Variants in TRIO observed in about 807,000 individuals in gnomAD.
TRIO encodes the protein triple functional domain protein.
In TRIO, 58 loss-of-function variants were observed where a neutral mutation model predicts 351.9. That is an observed-to-expected ratio of 0.16 (90% CI 0.13 to 0.21). The LOEUF is 0.21. Ranked by LOEUF, TRIO falls within the 10% of genes least tolerant of loss-of-function variation. The pLI, the probability that TRIO is intolerant of heterozygous loss-of-function variation, is 1.00. For synonymous variants in TRIO, 1,758 were observed against 1,595.7 expected (o/e 1.10, Z -2.42); for missense variants, 3,201 against 4,027.8 (o/e 0.79, Z 5.56).
chr5:14,453,067 CTTTT>C (rs777743822), intron 34 of TRIO, among the ~76,000 whole-genome samples: 3 of 151,702 alleles, frequency 2.0e-5, no homozygotes, highest in Non-Finnish European at 4.4e-5. Context: ...CTTTCTTTAC[CTTTT>C]TTTTCTTTTT....
At chr5:14,318,314 G>A (rs1227131793) in intron 9 of TRIO, among the ~76,000 whole-genome samples, 2 of 148,412 alleles carry the variant, frequency 1.3e-5, no homozygotes, top group Non-Finnish European at 3.0e-5. Flanking sequence ...AATTAGCCTG[G>A]CGTGCTGGCA....
intron 1 of TRIO, among the ~76,000 whole-genome samples, chr5:14,266,396 G>A (rs1388167260): frequency 6.6e-6 from 1 of 152,102 alleles, no homozygotes; most frequent in Non-Finnish European, 1.5e-5. Context: ...TAGGTATCTA[G>A]GATACAGCAG....
chr5:14,242,660 C>T (rs945607736), intron 1 of TRIO, among the ~76,000 whole-genome samples: 3 of 152,122 alleles, frequency 2.0e-5, no homozygotes, highest in African/African-American at 7.2e-5. Flanking sequence ...TCGTAGCCTC[C>T]GCCTGCTGTG....
At chr5:14,314,864 C>T (rs1286294386) in intron 8 of TRIO, among the ~76,000 whole-genome samples, 4 of 152,196 alleles carry the variant, frequency 2.6e-5, no homozygotes, top group Non-Finnish European at 4.4e-5. Context: ...TTTTAACTGA[C>T]ACTAATTCAG....
intron 35 of TRIO, 72 bp from the exon 36 acceptor site, chr5:14,462,683 C>G (rs893483676): frequency 6.3e-7 from 1 of 1,581,402 alleles, no homozygotes; most frequent in Middle Eastern, 1.7e-4. Flanking sequence ...CACCTTGCTT[C>G]TCCAAGTAAC....
rs1757955977 is a variant in TRIO, at chr5:14,509,570, T to G, written c.*1148T>G. On this transcript the variant is annotated 3_prime_UTR_variant, in exon 57 of 57. Transcript: ENST00000344204. The stretch of plus-strand genomic sequence containing the variant: ...ATTATTCAGAATGCCAAAGTATTAT[T>G]TTTTTTCCCAAAATCAGTCTGGACA... The G allele has an allele frequency of 3.3e-6, 1 of 306,130 alleles. No individual in the cohort carries two copies. The allele number at this position is 306,130 out of a possible 1,614,324, so 19.0% of individuals were successfully genotyped here.
At chr5:14,409,743 G>A (rs1414578722) in intron 33 of TRIO, among the ~76,000 whole-genome samples, 2 of 151,316 alleles carry the variant, frequency 1.3e-5, no homozygotes, top group East Asian at 3.9e-4. Flanking sequence ...GCTGAGGCAG[G>A]AGAATGGCAT....
chr5:14,470,502 A>G (rs1009831795), intron 37 of TRIO, among the ~76,000 whole-genome samples: 3 of 152,228 alleles, frequency 2.0e-5, no homozygotes, highest in Admixed American at 2.0e-4. Context: ...AAACAACGAG[A>G]TTAATATTTA....
chr5:14,439,435 T>C (rs1253012503), intron 34 of TRIO, among the ~76,000 whole-genome samples: 3 of 152,214 alleles, frequency 2.0e-5, no homozygotes, highest in African/African-American at 7.2e-5. Context: ...ATATTACACA[T>C]AAAGTAATTA....
intron 1 of TRIO, among the ~76,000 whole-genome samples, chr5:14,161,055 A>G (rs556970199): frequency 1.3e-5 from 2 of 152,194 alleles, no homozygotes; most frequent in East Asian, 3.9e-4. Context: ...GATTACAGGC[A>G]TGCGCCACCA....
chr5:14,478,885 C>T (rs249808), intron 41 of TRIO, among the ~76,000 whole-genome samples: 140,314 of 152,168 alleles, frequency 0.92, 64,883 homozygotes, highest in East Asian at 1. Flanking sequence ...CGCTTGAGCC[C>T]GGAAGTTTAA....
At chr5:14,159,637 C>T (rs905018855) in intron 1 of TRIO, among the ~76,000 whole-genome samples, 1 of 151,142 alleles carries the variant, frequency 6.6e-6, no homozygotes, top group Non-Finnish European at 1.5e-5. Flanking sequence ...GGCACGACCT[C>T]GGCTCACTGC....
intron 21 of TRIO, among the ~76,000 whole-genome samples, chr5:14,383,828 T>G (rs1054651168): frequency 1.3e-5 from 2 of 152,238 alleles, no homozygotes; most frequent in Admixed American, 6.5e-5. Flanking sequence ...CTCACTTGCC[T>G]TCTGTCACCC....
chr5:14,508,482 T>C lies in TRIO; in HGVS notation c.*60T>C, dbSNP rs544887672. The C allele has an allele frequency of 3.9e-6, 6 of 1,526,422 alleles. No individual in the cohort carries two copies. In the South Asian group the frequency reaches 6.6e-5, roughly 17 times the overall value. The allele number at this position is 1,526,422 out of a possible 1,614,324, so 94.6% of individuals were successfully genotyped here. A position where few individuals can be genotyped will look rare whatever the true frequency, so the allele number is the denominator to read the frequency against. On this transcript the variant is annotated 3_prime_UTR_variant, in exon 57 of 57. Transcript: ENST00000344204. The stretch of plus-strand genomic sequence containing the variant: ...TGCCAATCAGCTGTTAATCTGAATT[T>C]TCAAGAGAAAACAAGCAAACATAAC...
At chr5:14,457,169 A>C (rs1753375120) in intron 34 of TRIO, among the ~76,000 whole-genome samples, 1 of 152,212 alleles carries the variant, frequency 6.6e-6, no homozygotes, top group Non-Finnish European at 1.5e-5. Flanking sequence ...TAAATTCCAC[A>C]AAATTTTTCT....
At chr5:14,411,744 A>T (rs1203574164) in intron 33 of TRIO, among the ~76,000 whole-genome samples, 3 of 151,850 alleles carry the variant, frequency 2.0e-5, no homozygotes, top group Non-Finnish European at 4.4e-5. Context: ...AGCTAGGACC[A>T]TAAGTGTACA....
rs1427774239 is a variant in TRIO, at chr5:14,207,326, A to T, written c.157+63444A>T. On this transcript the variant is annotated intron_variant, in intron 1 of 56. Coordinates refer to ENST00000344204, the MANE Select transcript of TRIO (RefSeq NM_007118.4). ...CATAGCAAGACTGTCTCTCACACAC[A>T]CACACACACACACACACACACACAC... 9.7e-4 allele frequency among the ~76,000 whole-genome samples: 44 copies of T among 45,264 alleles called. 3 individuals carry two copies. Among genetic ancestry groups the T allele is most frequent in the African/African-American group, 3.6e-3 (43 of 12,104 alleles). The allele number at this position is 45,264 out of a possible 152,430, so 29.7% of individuals were successfully genotyped here. A position where few individuals can be genotyped will look rare whatever the true frequency, so the allele number is the denominator to read the frequency against.
In TRIO at chr5:14,502,913, G is replaced by C. The variant is rs539536650; in HGVS notation, c.8411+256G>C. Among the ~76,000 whole-genome samples the C allele has an allele frequency of 2.0e-5, 3 of 152,378 alleles. No individual in the cohort carries two copies. In the East Asian group the frequency reaches 5.8e-4, roughly 29 times the overall value. ...CAATGGGGAGAAATTGCTTCCCTCTGTGAATGTGGAATAGTGGTAGCTCTG... is the reference window on the plus strand; with the variant it reads ...CAATGGGGAGAAATTGCTTCCCTCTCTGAATGTGGAATAGTGGTAGCTCTG... On this transcript the variant is annotated intron_variant, in intron 54 of 56. Transcript: ENST00000344204.
intron 9 of TRIO, among the ~76,000 whole-genome samples, chr5:14,329,308 C>G (rs915839904): frequency 1.3e-5 from 2 of 152,236 alleles, no homozygotes; most frequent in African/African-American, 2.4e-5. Context: ...TGTGTCCCCC[C>G]AAATTCATGT....
Sources: allele counts gnomAD v4.1 joint callset (sites outside exome capture counted in the v4.1 genomes callset), GRCh38; gene constraint gnomAD v4.1.1; transcripts MANE v1.5; gene names NCBI Gene and HGNC (gene_info 2026-07-23, HGNC 2026-07-21).